The following GLRA2 variants were observed in gnomAD, a reference collection of about 807,000 sequenced individuals.
GLRA2 encodes glycine receptor subunit alpha-2.
Under a neutral mutation model 31.6 loss-of-function variants are expected in GLRA2, and 11 were observed. The ratio of observed to expected loss-of-function variants is 0.35; its 90% CI spans 0.22 to 0.58. The LOEUF is 0.58. GLRA2 is among the 20% of genes least tolerant of loss of function. GLRA2 has a pLI of 0.84. For missense variants in GLRA2, 212 were observed against 351.8 expected, an observed-to-expected ratio of 0.60 and a Z score of 3.18; for synonymous variants, 132 against 134.0, an observed-to-expected ratio of 0.99 and a Z score of 0.10.
intron 7 of GLRA2, among the ~76,000 whole-genome samples, chrX:14,634,226 G>A (rs1354963385): frequency 8.9e-6 from 1 of 112,061 alleles, no homozygotes; most frequent in Non-Finnish European, 1.9e-5. Flanking sequence ...TGGGATTACA[G>A]GCGTGAGCCA....
intron 7 of GLRA2, among the ~76,000 whole-genome samples, chrX:14,612,559 G>A (rs186047694): frequency 2.4e-3 from 264 of 111,137 alleles, no homozygotes; most frequent in Non-Finnish European, 4.1e-3. Flanking sequence ...CAATACCAAA[G>A]ACTTGGAACC....
chrX:14,628,719 T>G (rs1193280419), intron 7 of GLRA2, among the ~76,000 whole-genome samples: 1 of 111,470 alleles, frequency 9.0e-6, no homozygotes, highest in East Asian at 2.8e-4. Context: ...AATGAGCCAG[T>G]AAACTTCAGA....
At chrX:14,582,030 C>A (rs2090022443) in intron 4 of GLRA2, among the ~76,000 whole-genome samples, 1 of 106,346 alleles carries the variant, frequency 9.4e-6, no homozygotes, top group Non-Finnish European at 1.9e-5. Context: ...AATAATCTCC[C>A]CCTTTTCTGA....
chrX:14,592,367 G>A (rs1056689000), intron 4 of GLRA2, among the ~76,000 whole-genome samples: 24 of 111,205 alleles, frequency 2.2e-4, no homozygotes, highest in Admixed American at 1.8e-3. Context: ...AATTTAAGAG[G>A]CAGCGTTAAA....
In GLRA2 at chrX:14,662,962, T is replaced by C. The variant is rs187634530; in HGVS notation, c.931-27748T>C. 1.8e-4 allele frequency among the ~76,000 whole-genome samples: 20 copies of C among 112,082 alleles called. No individual in the cohort carries two copies. In the East Asian group the frequency reaches 3.0e-3, roughly 17 times the overall value. On this transcript the variant is annotated intron_variant, in intron 7 of 8. Transcript: ENST00000218075. Reference sequence around the variant, plus strand: ...TATTAATTTCCACATATTAATTTTGTATTTTACTACTTTACTGAACTCTCT... The same window carrying C: ...TATTAATTTCCACATATTAATTTTGCATTTTACTACTTTACTGAACTCTCT...
intron 2 of GLRA2, among the ~76,000 whole-genome samples, chrX:14,573,849 A>G (rs2089917008): frequency 9.0e-6 from 1 of 110,726 alleles, no homozygotes; most frequent in South Asian, 3.9e-4. Flanking sequence ...GTAAATTCAG[A>G]GGTGTCAAGA....
chrX:14,689,106 G>A (rs1454460319), intron 7 of GLRA2, among the ~76,000 whole-genome samples: 2 of 111,898 alleles, frequency 1.8e-5, no homozygotes, highest in Non-Finnish European at 3.8e-5. Context: ...TAGCAGAGCA[G>A]CATTTCCTAA....
chrX:14,464,934 A>G, the GLRA2 span, among the ~76,000 whole-genome samples: 1 of 112,045 alleles, frequency 8.9e-6, no homozygotes, highest in Non-Finnish European at 1.9e-5. Context: ...ATGGTAGCAT[A>G]TGCCCCCAGT....
chrX:14,571,005 A>G (rs2089874505), intron 2 of GLRA2, among the ~76,000 whole-genome samples: 1 of 110,639 alleles, frequency 9.0e-6, no homozygotes, highest in African/African-American at 3.3e-5. Flanking sequence ...TCTTTCTCAT[A>G]AGAATAAGAG....
At chrX:14,555,601 T>C (rs1474569245) in intron 2 of GLRA2, among the ~76,000 whole-genome samples, 2 of 112,093 alleles carry the variant, frequency 1.8e-5, no homozygotes, top group Non-Finnish European at 3.8e-5. Context: ...TCATTGGTGA[T>C]TGTCATATTT....
chrX:14,544,901 A>G, intron 2 of GLRA2, among the ~76,000 whole-genome samples: 1 of 111,342 alleles, frequency 9.0e-6, no homozygotes, highest in Non-Finnish European at 1.9e-5. Flanking sequence ...CTTCTTCTCA[A>G]TCCAAGCTCT....
At chrX:14,518,782 G>C in the GLRA2 span, among the ~76,000 whole-genome samples, 4 of 107,447 alleles carry the variant, frequency 3.7e-5, no homozygotes, top group South Asian at 1.7e-3. Context: ...AGGCCACGGC[G>C]GACCGATCAC....
chrX:14,713,501 C>A (rs186520704), intron 8 of GLRA2, among the ~76,000 whole-genome samples: 8 of 112,033 alleles, frequency 7.1e-5, no homozygotes, highest in Non-Finnish European at 1.5e-4. Flanking sequence ...TCTAAGGCTA[C>A]AGATGACATT....
At chrX:14,623,313 C>A (rs971388062) in intron 7 of GLRA2, among the ~76,000 whole-genome samples, 13 of 111,262 alleles carry the variant, frequency 1.2e-4, no homozygotes, top group African/African-American at 3.9e-4. Context: ...AATTTGATTT[C>A]CTCTTTTCCT....
chrX:14,653,175 A>G (rs2090906908), intron 7 of GLRA2, among the ~76,000 whole-genome samples: 1 of 111,924 alleles, frequency 8.9e-6, no homozygotes, highest in African/African-American at 3.2e-5. Context: ...TACAACATCC[A>G]TTCTGCAGCC....
Position 14,568,709 on chromosome X carries a change from AG to A in GLRA2, c.203-5623del, listed in dbSNP as rs1569497766. On this transcript the variant is annotated intron_variant, in intron 2 of 8. Transcript: ENST00000218075. The stretch of plus-strand genomic sequence containing the variant: ...CTCTGTCTCAAAAAAAAAAAAAAAA[AG>A]AAAAGAAAAAAAAGAAATAGTGCTG... Among the ~76,000 whole-genome samples, 67 of 98,709 alleles carry A rather than the reference AG, an allele frequency of 6.8e-4. 4 individuals are homozygous for A. The highest frequency in any genetic ancestry group is 1.3e-3 in the South Asian group (3 of 2,250). The allele number at this position is 98,709 out of a possible 115,157, so 85.7% of individuals were successfully genotyped here.
At chrX:14,645,879 G>A (rs1328528874) in intron 7 of GLRA2, among the ~76,000 whole-genome samples, 1 of 111,726 alleles carries the variant, frequency 9.0e-6, no homozygotes, top group Non-Finnish European at 1.9e-5. Flanking sequence ...TCTGTGAGCT[G>A]AGAAGTATCA....
Position 14,703,427 on chromosome X carries a change from T to C in GLRA2, c.1080+12568T>C, listed in dbSNP as rs541785740. Among the ~76,000 whole-genome samples the C allele has an allele frequency of 9.8e-5, 11 of 111,957 alleles. No individual in the cohort carries two copies. The South Asian group carries it at 3.4e-3, about 35-fold the overall frequency. ...TTGCCATGTGTACCTCTGACCACAG[T>C]TGAGAAAGGTTCTCCATTTCTAAGA... On this transcript the variant is annotated intron_variant, in intron 8 of 8. Transcript: ENST00000218075.
At chrX:14,565,202 A>T (rs1479688853) in intron 2 of GLRA2, among the ~76,000 whole-genome samples, 1 of 112,092 alleles carries the variant, frequency 8.9e-6, no homozygotes, top group Non-Finnish European at 1.9e-5. Context: ...ACAAACCATG[A>T]TTCAACTATA....
Sources: gnomAD v4.1 joint callset for allele counts (sites outside exome capture counted in the v4.1 genomes callset) on GRCh38, gnomAD v4.1.1 for gene constraint, MANE v1.5 for transcripts, NCBI Gene and HGNC (gene_info 2026-07-23, HGNC 2026-07-21) for gene names.